Variants in ZSCAN31 observed in about 807,000 individuals in gnomAD.
ZSCAN31 encodes zinc finger and SCAN domain containing 31.
A neutral mutation model predicts 22.5 loss-of-function variants in ZSCAN31; 14 were observed. The observed-to-expected ratio is 0.62, with a 90% CI of 0.41 to 0.97. The LOEUF is 0.97. ZSCAN31 is among the 50% of genes least tolerant of loss of function. ZSCAN31 has a pLI of 0.00. For missense variants in ZSCAN31, 424 were observed against 483.4 expected, an observed-to-expected ratio of 0.88 and a Z score of 1.15; for synonymous variants, 168 against 169.8, an observed-to-expected ratio of 0.99 and a Z score of 0.08.
At chr6:28,350,526 G>C (rs1439397648) in intron 2 of ZSCAN31, 4 of 152,168 alleles carry the variant, frequency 2.6e-5, no homozygotes, top group African/African-American at 9.7e-5. Flanking sequence ...CTCTCTCTCT[G>C]CCTCATTTTA....
chr6:28,336,296 G>A (rs2113836384), upstream of ZSCAN31: 1 of 152,364 alleles, frequency 6.6e-6, no homozygotes, highest in African/African-American at 2.4e-5. Flanking sequence ...CTGGGTGCGA[G>A]GCGGAGAAAT....
At chr6:28,338,344 C>T (rs1275862458), upstream of ZSCAN31, among the ~76,000 whole-genome samples, 1 of 152,164 alleles carries the variant, frequency 6.6e-6, no homozygotes, top group Non-Finnish European at 1.5e-5. Flanking sequence ...GATTGTGCCA[C>T]TGCACTCCAG....
intron 1 of ZSCAN31, among the ~76,000 whole-genome samples, chr6:28,330,949 A>G (rs1763690698): frequency 6.6e-6 from 1 of 152,216 alleles, no homozygotes; most frequent in African/African-American, 2.4e-5. Flanking sequence ...AAATCAAGCA[A>G]ACAACATGAG....
chr6:28,351,409 C>T lies in ZSCAN31; in HGVS notation c.-371+2453G>A, dbSNP rs1365744580. On this transcript the variant is annotated intron_variant, in intron 2 of 7. Coordinates refer to the ZSCAN31 transcript ENST00000396838. This position sits in a 1 kb window ranked among gnomAD's most constrained non-coding sequence, Gnocchi z 4.6. The stretch of plus-strand genomic sequence containing the variant: ...TGTGGCTCTCTCTCGCCTTCCTTGA[C>T]CCTACCTTAATGCTTTTTGGCTGTA... Among the ~76,000 whole-genome samples the T allele has an allele frequency of 6.6e-6, 1 of 152,148 alleles. No homozygotes were observed. Among genetic ancestry groups the T allele is most frequent in the Non-Finnish European group, 1.5e-5 (1 of 68,020 alleles).
chr6:28,341,568 A>C (rs1335419065), intron 3 of ZSCAN31, among the ~76,000 whole-genome samples: 1 of 152,186 alleles, frequency 6.6e-6, no homozygotes, highest in Non-Finnish European at 1.5e-5. Context: ...ATTTTGGGGG[A>C]ACACAAACTT....
At chr6:28,348,547 A>G (rs761779619) in intron 2 of ZSCAN31, among the ~76,000 whole-genome samples, 47 of 152,142 alleles carry the variant, frequency 3.1e-4, no homozygotes, top group Admixed American at 1.2e-3. Flanking sequence ...TCAAGCATCC[A>G]CACATACATG....
At chr6:28,355,291 G>A (rs1765347839), upstream of ZSCAN31, 1 of 152,210 alleles carries the variant, frequency 6.6e-6, no homozygotes, top group African/African-American at 2.4e-5. Flanking sequence ...TGCCATCCCA[G>A]TGTGTGGGTT....
chr6:28,326,824 A>C lies in ZSCAN31; in HGVS notation c.563T>G (p.Leu188Trp), dbSNP rs1286865378. The part of the protein sequence containing the change: ...DGESIPENQE[L>W]ASKQEILKEM... ...TTTTAAGATTTCTTGCTTTGATGCC[A>C]ACTCCTGGTTCTCAGGTATACTTTC... Residue 188 changes from leucine to tryptophan, a missense_variant, in exon 4 of 4, where the codon TTG (leucine) becomes TGG (tryptophan). Physicochemically the swap from Leu to Trp is moderately conservative, Grantham distance 61. Coordinates refer to ENST00000344279, the MANE Select transcript of ZSCAN31 (RefSeq NM_030899.5). 1 of 1,612,160 alleles carries C rather than the reference A, an allele frequency of 6.2e-7. No homozygotes were observed. The highest frequency in any genetic ancestry group is 1.3e-5 in the African/African-American group (1 of 74,900).
chr6:28,354,738 G>A (rs902189708), upstream of ZSCAN31, among the ~76,000 whole-genome samples: 3 of 152,188 alleles, frequency 2.0e-5, no homozygotes, highest in African/African-American at 7.2e-5. Context: ...GTGTTGGGGC[G>A]GGCAACAACA....
rs559061440 is a variant in ZSCAN31 at position 28,352,391 on chromosome 6, T to G, written c.-371+1471A>C. 9.9e-5 allele frequency among the ~76,000 whole-genome samples: 15 copies of G among 152,280 alleles called. No homozygotes were observed. In the East Asian group the frequency reaches 2.9e-3, roughly 29 times the overall value. Reference sequence around the variant, plus strand: ...CAACAGCCTCCCAAGTAGCTGGGATTACAGGTGTGTACCACCACACCCAGC... The same window carrying G: ...CAACAGCCTCCCAAGTAGCTGGGATGACAGGTGTGTACCACCACACCCAGC... On this transcript the variant is annotated intron_variant, in intron 2 of 7. Coordinates refer to the ZSCAN31 transcript ENST00000396838.
At chr6:28,343,605 G>A (rs905133733) in intron 2 of ZSCAN31, among the ~76,000 whole-genome samples, 9 of 146,484 alleles carry the variant, frequency 6.1e-5, no homozygotes, top group African/African-American at 1.5e-4. Context: ...GTGCAGTCGC[G>A]GGATCTCGGC....
chr6:28,352,788 T>A (rs1765125947), intron 2 of ZSCAN31, among the ~76,000 whole-genome samples: 2 of 152,154 alleles, frequency 1.3e-5, no homozygotes, highest in Non-Finnish European at 2.9e-5. Context: ...TTTCTGGTAC[T>A]TTTGATTTGT....
rs148220933 is a variant in ZSCAN31, at chr6:28,326,675, G to A, written c.712C>T (p.Arg238Cys). Reference protein sequence around the residue: ...KQQAHSTGERRHRCNECGKSF... With the variant: ...KQQAHSTGERCHRCNECGKSF... ...TTCCCACATTCATTGCACCTGTGGCGTCTCTCTCCAGTGGAATGTGCCTGC... is the reference window on the plus strand; with the variant it reads ...TTCCCACATTCATTGCACCTGTGGCATCTCTCTCCAGTGGAATGTGCCTGC... Residue 238 changes from arginine (R) to cysteine (C), a missense_variant, in exon 4 of 4, where the codon CGC becomes TGC. By Grantham distance (180) the Arg-to-Cys change is radical (BLOSUM62 -3). Coordinates refer to ENST00000344279, the MANE Select transcript of ZSCAN31 (RefSeq NM_030899.5). The A allele has an allele frequency of 3.0e-5, 49 of 1,614,170 alleles. No homozygotes were observed. Among genetic ancestry groups the A allele is most frequent in the East Asian group, 2.9e-4 (13 of 44,884 alleles).
rs1034688547 is a variant in ZSCAN31, at chr6:28,336,071, C to CCAAG, written c.-96+7_-96+10dup. The CCAAG allele has an allele frequency of 2.1e-4, 32 of 152,418 alleles. No homozygotes were observed. The highest frequency in any genetic ancestry group is 7.7e-4 in the African/African-American group (32 of 41,446). 9.4% of individuals were successfully genotyped at this position (152,418 alleles called of 1,614,324 possible). A position where few individuals can be genotyped will look rare whatever the true frequency, so the allele number is the denominator to read the frequency against. On this transcript the variant is annotated intron_variant, in intron 1 of 3. Transcript: ENST00000344279. ...GAACCTGGCGGGTCGCGACAAGGGG[C>CCAAG]CAAGACTCACCTTCGGGGCACCGGC...
intron 1 of ZSCAN31, chr6:28,332,289 A>G (rs935142584): frequency 1.3e-5 from 2 of 152,212 alleles, no homozygotes; most frequent in African/African-American, 4.8e-5. Flanking sequence ...ACTTACCACA[A>G]AATTATGAAC....
At chr6:28,335,070 G>C (rs1028966724) in intron 1 of ZSCAN31, among the ~76,000 whole-genome samples, 4 of 152,150 alleles carry the variant, frequency 2.6e-5, no homozygotes, top group African/African-American at 7.2e-5. Context: ...TCTGGACCTC[G>C]GTTTCGCCGC....
chr6:28,326,836 T>G lies in ZSCAN31; in HGVS notation c.551A>C (p.Glu184Ala), dbSNP rs771047132. The change falls in exon 4 of 4, where the codon GAG becomes GCG. Residue 184 changes from glutamate (E) to alanine (A), a missense_variant. By Grantham distance (107) the Glu-to-Ala change is moderately radical. Coordinates refer to ENST00000344279, the MANE Select transcript of ZSCAN31 (RefSeq NM_030899.5). Reference sequence around the variant, plus strand: ...TTGCTTTGATGCCAACTCCTGGTTCTCAGGTATACTTTCACCATCTGGAAT... The same window carrying G: ...TTGCTTTGATGCCAACTCCTGGTTCGCAGGTATACTTTCACCATCTGGAAT... ...FQEQDGESIP[E>A]NQELASKQEI... The G allele has an allele frequency of 6.2e-7, 1 of 1,611,034 alleles. No homozygotes were observed.
At chr6:28,352,972 T>C (rs1765155692) in intron 2 of ZSCAN31, among the ~76,000 whole-genome samples, 1 of 149,586 alleles carries the variant, frequency 6.7e-6, no homozygotes, top group Admixed American at 6.6e-5. Context: ...TTCTTTTTTT[T>C]TTTTTTTTTG....
chr6:28,335,619 T>C (rs1019086407), intron 1 of ZSCAN31, among the ~76,000 whole-genome samples: 2 of 152,158 alleles, frequency 1.3e-5, no homozygotes, highest in African/African-American at 4.8e-5. Flanking sequence ...AAGCAGCAGC[T>C]ATGAATCATC....
Sources: gnomAD v4.1 joint callset for allele counts (sites outside exome capture counted in the v4.1 genomes callset) on GRCh38, gnomAD v4.1.1 for gene constraint, Gnocchi (gnomAD v3.1) non-coding constraint, MANE v1.5 for transcripts, NCBI Gene and HGNC (gene_info 2026-07-23, HGNC 2026-07-21) for gene names.